The following GALNT7 variants were observed in gnomAD, a reference collection of about 807,000 sequenced individuals.
GALNT7 encodes the protein N-acetylgalactosaminyltransferase 7.
GALNT7 carries 60 observed loss-of-function variants against 82.1 expected under a neutral mutation model. The ratio of observed to expected loss-of-function variants is 0.73; its 90% CI spans 0.59 to 0.91. The LOEUF is 0.91. GALNT7 is among the 40% of genes least tolerant of loss of function. GALNT7 has a pLI of 0.00. For synonymous variants in GALNT7, 243 were observed against 275.1 expected, an observed-to-expected ratio of 0.88 and a Z score of 1.15; for missense variants, 660 against 804.2, an observed-to-expected ratio of 0.82 and a Z score of 2.17.
At chr4:173,270,357 G>C (rs1198156517) in intron 2 of GALNT7, among the ~76,000 whole-genome samples, 1 of 151,912 alleles carries the variant, frequency 6.6e-6, no homozygotes, top group Non-Finnish European at 1.5e-5. Context: ...CTTGAGTTTT[G>C]AAGATTGAAA....
chr4:173,264,331 G>T (rs1735398168), intron 2 of GALNT7, among the ~76,000 whole-genome samples: 1 of 152,154 alleles, frequency 6.6e-6, no homozygotes, highest in Admixed American at 6.5e-5. Context: ...AGCCAACCTT[G>T]CAAGATGATA....
chr4:173,177,429 T>C (rs1260276721), intron 1 of GALNT7, among the ~76,000 whole-genome samples: 1 of 152,142 alleles, frequency 6.6e-6, no homozygotes, highest in Non-Finnish European at 1.5e-5. Context: ...ATGCATTTCA[T>C]TGGCCAGAGG....
chr4:173,234,008 A>C (rs1174193636), intron 1 of GALNT7, among the ~76,000 whole-genome samples: 1 of 152,082 alleles, frequency 6.6e-6, no homozygotes, highest in Non-Finnish European at 1.5e-5. Context: ...GGCTCTTGAC[A>C]CCATTACCCT....
intron 6 of GALNT7, among the ~76,000 whole-genome samples, chr4:173,301,397 G>A (rs1736929064): frequency 6.6e-6 from 1 of 151,872 alleles, no homozygotes; most frequent in South Asian, 2.1e-4. Flanking sequence ...TTTTTCTCTT[G>A]GACCTAAAAA....
chr4:173,297,534 G>A (rs147260192), intron 5 of GALNT7, among the ~76,000 whole-genome samples: 60 of 152,286 alleles, frequency 3.9e-4, no homozygotes, highest in African/African-American at 1.4e-3. Flanking sequence ...AAGCGAAAAG[G>A]AGAAAACTCT....
chr4:173,314,067 A>C lies in GALNT7; in HGVS notation c.1499A>C (p.Lys500Thr). ...LPYGDISELK[K>T]FREDHNCKSF... ...TATGGGGATATATCGGAGCTGAAAA[A>C]ATTTCGAGAAGATCACAACTGCAAA... The change falls in exon 9 of 12, where the codon AAA becomes ACA. Residue 500 changes from lysine to threonine, a missense_variant. By Grantham distance (78) the Lys-to-Thr change is moderately conservative. Transcript: ENST00000265000. 3 of 1,613,210 alleles carry C rather than the reference A, an allele frequency of 1.9e-6. No individual in the cohort carries two copies. The highest frequency in any genetic ancestry group is 2.5e-6 in the Non-Finnish European group (3 of 1,179,250).
intron 1 of GALNT7, among the ~76,000 whole-genome samples, chr4:173,182,771 A>ACAG (rs1732292909): frequency 7.4e-6 from 1 of 134,474 alleles, no homozygotes; most frequent in East Asian, 2.2e-4. Context: ...ACACAGACAC[A>ACAG]ACAGCGTGTT....
At chr4:173,258,523 T>C (rs6840087) in intron 2 of GALNT7, among the ~76,000 whole-genome samples, 23,491 of 152,126 alleles carry the variant, frequency 0.15, 4,536 homozygotes, top group African/African-American at 0.46. Flanking sequence ...CTGATGGAGA[T>C]GGGGGGGCCT....
At chr4:173,237,204 TATTTTTTCAGATTGCC>T (rs1373004636) in intron 1 of GALNT7, among the ~76,000 whole-genome samples, 1 of 152,230 alleles carries the variant, frequency 6.6e-6, no homozygotes, top group African/African-American at 2.4e-5. Context: ...CTGGGGTGGT[TATTTTTTCAGATTGCC>T]AAGAGAAGGT....
chr4:173,283,447 C>T (rs1169853428), intron 2 of GALNT7, among the ~76,000 whole-genome samples: 2 of 151,954 alleles, frequency 1.3e-5, no homozygotes, highest in African/African-American at 4.8e-5. Context: ...CAAGACCAGC[C>T]AGACCAACAT....
intron 9 of GALNT7, 60 bp from the exon 10 acceptor site, chr4:173,317,574 C>A: frequency 1.0e-6 from 1 of 999,416 alleles, no homozygotes; most frequent in Non-Finnish European, 1.6e-6. Flanking sequence ...AATTCTGATG[C>A]CAGAGTTCAT....
intron 2 of GALNT7, among the ~76,000 whole-genome samples, chr4:173,279,150 C>T (rs1381817480): frequency 6.6e-6 from 1 of 152,166 alleles, no homozygotes. Flanking sequence ...TTAATTGGCT[C>T]ATGGTTCTGC....
rs185397474 is a variant in GALNT7 at position 173,209,841 on chromosome 4, C to T, written c.127-38139C>T. On this transcript the variant is annotated intron_variant, in intron 1 of 11. Coordinates refer to ENST00000265000, the MANE Select transcript of GALNT7 (RefSeq NM_017423.3). The stretch of plus-strand genomic sequence containing the variant: ...GCAGAATTAGGCACCTAGCAATTTA[C>T]GAAACACTCATGGCTGGGTGCAGTG... Among the ~76,000 whole-genome samples, 22 of 152,300 alleles carry T rather than the reference C, an allele frequency of 1.4e-4. No homozygotes were observed. In the East Asian group the frequency reaches 3.7e-3, roughly 25 times the overall value.
chr4:173,207,700 G>C (rs1733143653), intron 1 of GALNT7, among the ~76,000 whole-genome samples: 1 of 152,126 alleles, frequency 6.6e-6, no homozygotes, highest in Non-Finnish European at 1.5e-5. Context: ...AAGTAACTAA[G>C]TTGCTCTCCC....
chr4:173,313,111 C>T (rs1737452233), intron 8 of GALNT7, among the ~76,000 whole-genome samples: 1 of 151,794 alleles, frequency 6.6e-6, no homozygotes, highest in African/African-American at 2.4e-5. Context: ...GGGAAAATAC[C>T]CAGTCCATTT....
At chr4:173,252,234 C>T (rs1415086407) in intron 2 of GALNT7, among the ~76,000 whole-genome samples, 2 of 152,220 alleles carry the variant, frequency 1.3e-5, no homozygotes, top group Admixed American at 6.5e-5. Context: ...CACCCTTCCT[C>T]ATCCTCATCC....
chr4:173,261,687 C>T (rs879790911), intron 2 of GALNT7, among the ~76,000 whole-genome samples: 1 of 152,068 alleles, frequency 6.6e-6, no homozygotes, highest in African/African-American at 2.4e-5. Flanking sequence ...GGTGTGGTGG[C>T]ACGCACCTGT....
intron 6 of GALNT7, among the ~76,000 whole-genome samples, chr4:173,299,648 A>G (rs952264331): frequency 2.6e-5 from 4 of 152,126 alleles, no homozygotes; most frequent in African/African-American, 9.7e-5. Context: ...GGAGTTCGAG[A>G]TCAACCTTGC....
In GALNT7 at chr4:173,261,078, A is replaced by G. The variant is rs181779637; in HGVS notation, c.587+12638A>G. Among the ~76,000 whole-genome samples the G allele has an allele frequency of 2.6e-5, 4 of 152,350 alleles. No homozygotes were observed. The East Asian group carries it at 7.7e-4, about 29-fold the overall frequency. On this transcript the variant is annotated intron_variant, in intron 2 of 11. Coordinates refer to ENST00000265000, the MANE Select transcript of GALNT7 (RefSeq NM_017423.3). ...TCCTGCATCTGTATAATTGTCGTCT[A>G]CATTACACATTTTTATTTCACAGTA...
Sources: gnomAD v4.1 joint callset for allele counts (sites outside exome capture counted in the v4.1 genomes callset) on GRCh38, gnomAD v4.1.1 for gene constraint, MANE v1.5 for transcripts, NCBI Gene and HGNC (gene_info 2026-07-23, HGNC 2026-07-21) for gene names.